PAN3: variants seen among roughly 807,000 people sequenced by gnomAD.
PAN3 encodes poly(A) specific ribonuclease subunit PAN3.
PAN3 carries 19 observed loss-of-function variants against 96.2 expected under a neutral mutation model. The ratio of observed to expected loss-of-function variants is 0.20; its 90% confidence interval spans 0.14 to 0.29. The LOEUF is 0.29. PAN3 is among the 10% of genes least tolerant of loss of function. The pLI is 1.00. For synonymous variants in PAN3, 433 were observed against 406.6 expected, an observed-to-expected ratio of 1.06 and a Z score of -0.78; for missense variants, 882 against 1,108.1, an observed-to-expected ratio of 0.80 and a Z score of 2.90.
intron 1 of PAN3, among the ~76,000 whole-genome samples, chr13:28,170,582 T>C: frequency 6.6e-6 from 1 of 152,076 alleles, no homozygotes; most frequent in South Asian, 2.1e-4. Flanking sequence ...AAAATCAAAA[T>C]GCTATATTAG....
chr13:28,239,162 A>AACACACACACACAC (rs71086840), intron 6 of PAN3, among the ~76,000 whole-genome samples: 19 of 76,794 alleles, frequency 2.5e-4, no homozygotes, highest in African/African-American at 4.6e-4. Flanking sequence ...CACCCCCGCC[A>AACACACACACACAC]ACACACACAC....
chr13:28,214,731 T>C (rs376274529), intron 5 of PAN3: 36 of 517,246 alleles, frequency 7.0e-5, no homozygotes, highest in African/African-American at 4.2e-4. Flanking sequence ...GGTCTCACTA[T>C]TGATATCTCC....
intron 6 of PAN3, among the ~76,000 whole-genome samples, chr13:28,245,387 G>T (rs1884077735): frequency 6.8e-6 from 1 of 146,562 alleles, no homozygotes; most frequent in African/African-American, 2.6e-5. Context: ...ATGTAAGTGG[G>T]TTCCTTTTTT....
chr13:28,288,700 G>C (rs989749361), intron 18 of PAN3, among the ~76,000 whole-genome samples: 1 of 151,914 alleles, frequency 6.6e-6, no homozygotes, highest in Non-Finnish European at 1.5e-5. Flanking sequence ...ATGTGGTTTT[G>C]TTATGCCGCT....
At position 28,256,351 on chromosome 13, in the gene PAN3, TCTC is replaced by T; in HGVS notation, c.1063_1065del (p.Pro355del). 2.5e-6 allele frequency: 4 copies of T among 1,613,830 alleles called. No homozygotes were observed. The highest frequency in any genetic ancestry group is 3.4e-6 in the Non-Finnish European group (4 of 1,179,736). On this transcript the variant is annotated inframe_deletion, in exon 7 of 19. Coordinates refer to ENST00000380958, the MANE Select transcript of PAN3 (RefSeq NM_175854.8). Reference sequence around the variant, plus strand: ...TTCCCCCAAGATTACTCCACATACTTCTCCTGCTCCCAGAAGAAGAAGTCACAC... The same window carrying T: ...TTCCCCCAAGATTACTCCACATACTTCTGCTCCCAGAAGAAGAAGTCACAC...
intron 14 of PAN3, among the ~76,000 whole-genome samples, chr13:28,274,024 C>G (rs994841753): frequency 6.6e-6 from 1 of 152,194 alleles, no homozygotes. Context: ...CAAAGACTTG[C>G]AGGCACTCAT....
chr13:28,152,356 G>GGTGGA (rs1871471337), intron 1 of PAN3, among the ~76,000 whole-genome samples: 1 of 152,114 alleles, frequency 6.6e-6, no homozygotes, highest in African/African-American at 2.4e-5. Context: ...AGGTGAGGGG[G>GGTGGA]GTGGATCGCC....
intron 6 of PAN3, among the ~76,000 whole-genome samples, chr13:28,229,252 CTT>C (rs1882300103): frequency 6.6e-6 from 1 of 152,178 alleles, no homozygotes; most frequent in Non-Finnish European, 1.5e-5. Context: ...TTTGTAATGA[CTT>C]TAAAAATATC....
At chr13:28,241,635 TATTA>T (rs143035334) in intron 6 of PAN3, among the ~76,000 whole-genome samples, 15,291 of 152,226 alleles carry the variant, frequency 0.1, 957 homozygotes, top group Middle Eastern at 0.17. Flanking sequence ...GAAGAGACTT[TATTA>T]ATTCTTAACA....
At chr13:28,146,077 T>C (rs1182211119) in intron 1 of PAN3, among the ~76,000 whole-genome samples, 3 of 152,066 alleles carry the variant, frequency 2.0e-5, no homozygotes, top group African/African-American at 4.8e-5. Context: ...TTTTACATGA[T>C]GAAAGGTACA....
chr13:28,202,326 C>T (rs534536224), intron 5 of PAN3, among the ~76,000 whole-genome samples: 1 of 152,234 alleles, frequency 6.6e-6, no homozygotes, highest in South Asian at 2.1e-4. Context: ...TTTTTAAAGT[C>T]TACAGTATCT....
intron 2 of PAN3, among the ~76,000 whole-genome samples, chr13:28,174,665 T>C (rs1874730720): frequency 6.6e-6 from 1 of 152,186 alleles, no homozygotes; most frequent in African/African-American, 2.4e-5. Context: ...GTATGTATGT[T>C]AGTTAAACTT....
chr13:28,290,041 G>A (rs1057099337), intron 18 of PAN3, among the ~76,000 whole-genome samples: 1 of 152,252 alleles, frequency 6.6e-6, no homozygotes, highest in Non-Finnish European at 1.5e-5. Context: ...GAGCTGGTAA[G>A]CCATGGCCTG....
intron 6 of PAN3, among the ~76,000 whole-genome samples, chr13:28,246,873 G>T (rs1884243988): frequency 6.6e-6 from 1 of 152,062 alleles, no homozygotes; most frequent in African/African-American, 2.4e-5. Flanking sequence ...GAATAGTCCT[G>T]CAATAAACGT....
intron 1 of PAN3, among the ~76,000 whole-genome samples, 157 bp downstream of exon 1, chr13:28,139,244 CCTT>C (rs1566126352): frequency 2.0e-5 from 3 of 152,000 alleles, no homozygotes; most frequent in African/African-American, 7.2e-5. Flanking sequence ...AGCCCTCCTT[CCTT>C]CTTCCTGCTT....
In PAN3 at chr13:28,227,569, C is replaced by T. The variant is rs150744294; in HGVS notation, c.1000+7191C>T. Among the ~76,000 whole-genome samples the T allele has an allele frequency of 5.6e-4, 85 of 152,152 alleles. No individual in the cohort carries two copies. The East Asian group carries it at 0.013, about 22-fold the overall frequency. On this transcript the variant is annotated intron_variant, in intron 6 of 18. Coordinates refer to ENST00000380958, the MANE Select transcript of PAN3 (RefSeq NM_175854.8). ...AGCAGCTATGTGATTTTCAGCATACCGCTTGGTTTCTGTGTTTTAGAGTCT... is the reference window on the plus strand; with the variant it reads ...AGCAGCTATGTGATTTTCAGCATACTGCTTGGTTTCTGTGTTTTAGAGTCT...
At chr13:28,218,629 G>A (rs1401708077) in intron 5 of PAN3, among the ~76,000 whole-genome samples, 2 of 152,032 alleles carry the variant, frequency 1.3e-5, no homozygotes, top group African/African-American at 4.8e-5. Flanking sequence ...AAGGTAGAAT[G>A]GACCTTCCCC....
intron 6 of PAN3, 128 bp downstream of exon 6, chr13:28,220,506 C>G (rs910140218): frequency 1.7e-6 from 2 of 1,180,824 alleles, no homozygotes; most frequent in Non-Finnish European, 2.2e-6. Flanking sequence ...GCTTTATGTT[C>G]TAGTTTTTGG....
At chr13:28,243,884 C>CACCA (rs1451325303) in intron 6 of PAN3, among the ~76,000 whole-genome samples, 2 of 152,092 alleles carry the variant, frequency 1.3e-5, no homozygotes, top group Non-Finnish European at 2.9e-5. Context: ...AGCGGTATTT[C>CACCA]ACCATGTTGG....
Sources: gnomAD v4.1 joint callset for allele counts (sites outside exome capture counted in the v4.1 genomes callset) on GRCh38, gnomAD v4.1.1 for gene constraint, MANE v1.5 for transcripts, NCBI Gene and HGNC (gene_info 2026-07-23, HGNC 2026-07-21) for gene names.